Variants in CAMK4 observed in about 807,000 individuals in gnomAD.
CAMK4 encodes calcium/calmodulin-dependent protein kinase type IV.
In CAMK4, 22 loss-of-function variants were observed where a neutral mutation model predicts 44.9. The ratio of observed to expected loss-of-function variants is 0.49; its 90% CI spans 0.35 to 0.70. The LOEUF is 0.70. Ranked by LOEUF, CAMK4 falls within the 30% of genes least tolerant of loss-of-function variation. CAMK4 has a pLI of 0.01. For missense variants in CAMK4, 498 were observed against 586.8 expected, an observed-to-expected ratio of 0.85 and a Z score of 1.56; for synonymous variants, 218 against 215.4, an observed-to-expected ratio of 1.01 and a Z score of -0.11.
chr5:111,357,075 G>C (rs947211170), intron 2 of CAMK4, among the ~76,000 whole-genome samples: 6 of 151,986 alleles, frequency 3.9e-5, no homozygotes, highest in African/African-American at 1.4e-4. Flanking sequence ...TAACCCCTTA[G>C]TACTTTTATA....
At chr5:111,418,948 G>T (rs889288902) in intron 5 of CAMK4, among the ~76,000 whole-genome samples, 51 of 152,154 alleles carry the variant, frequency 3.4e-4, no homozygotes, top group African/African-American at 1.2e-3. Context: ...AGGCCTTTGG[G>T]TATATACCCA....
At chr5:111,393,440 G>A (rs182000021) in intron 4 of CAMK4, among the ~76,000 whole-genome samples, 60 of 152,182 alleles carry the variant, frequency 3.9e-4, no homozygotes, top group African/African-American at 1.1e-3. Context: ...GATGTCTTTG[G>A]AGATATTTCT....
intron 1 of CAMK4, among the ~76,000 whole-genome samples, chr5:111,330,804 C>G (rs997887906): frequency 6.6e-6 from 1 of 151,486 alleles, no homozygotes; most frequent in African/African-American, 2.4e-5. Flanking sequence ...AGAATAGAGT[C>G]CTGGCACAGA....
At chr5:111,348,585 C>T (rs62375651) in intron 2 of CAMK4, among the ~76,000 whole-genome samples, 3 of 151,998 alleles carry the variant, frequency 2.0e-5, no homozygotes, top group Middle Eastern at 3.4e-3. Flanking sequence ...CATTAAATTA[C>T]ATATCAGCCA....
chr5:111,243,439 G>T (rs1272511782), intron 1 of CAMK4, among the ~76,000 whole-genome samples: 2 of 152,198 alleles, frequency 1.3e-5, no homozygotes, highest in Non-Finnish European at 2.9e-5. Context: ...AAACTGTATT[G>T]TACAAGGAAG....
At chr5:111,475,722 C>T (rs1015115945) in intron 8 of CAMK4, among the ~76,000 whole-genome samples, 6 of 152,226 alleles carry the variant, frequency 3.9e-5, no homozygotes, top group Middle Eastern at 3.4e-3. Flanking sequence ...AGCCTGAGGA[C>T]GTTTTATTTA....
chr5:111,433,068 A>T (rs1344857308), intron 5 of CAMK4, among the ~76,000 whole-genome samples: 1 of 152,214 alleles, frequency 6.6e-6, no homozygotes, highest in African/African-American at 2.4e-5. Context: ...CTAGAGGAAG[A>T]TTTCACAGAG....
At chr5:111,271,022 C>A (rs575642025) in intron 1 of CAMK4, among the ~76,000 whole-genome samples, 81 of 152,256 alleles carry the variant, frequency 5.3e-4, no homozygotes, top group African/African-American at 1.7e-3. Context: ...GTCAGACACT[C>A]ATAAAACCAT....
rs189618638 is a variant in CAMK4, at chr5:111,485,446, T to C, written c.*980T>C. 1.3e-5 allele frequency: 2 copies of C among 152,198 alleles called. No homozygotes were observed. The highest frequency in any genetic ancestry group is 2.9e-5 in the Non-Finnish European group (2 of 68,016). The allele number at this position is 152,198 out of a possible 1,614,324, so 9.4% of individuals were successfully genotyped here. A position where few individuals can be genotyped will look rare whatever the true frequency, so the allele number is the denominator to read the frequency against. On this transcript the variant is annotated 3_prime_UTR_variant, in exon 11 of 11. Coordinates refer to ENST00000282356, the MANE Select transcript of CAMK4 (RefSeq NM_001744.6). ...ACAGGTTAGTGCCAAAATGTCTTCATAGAGTAGGAATAATATTCCATTTTA... is the reference window on the plus strand; with the variant it reads ...ACAGGTTAGTGCCAAAATGTCTTCACAGAGTAGGAATAATATTCCATTTTA...
At chr5:111,365,253 G>A (rs1750748953) in intron 2 of CAMK4, 1 of 152,084 alleles carries the variant, frequency 6.6e-6, no homozygotes, top group Admixed American at 6.6e-5. Context: ...AAGCCAAGTA[G>A]GAGCTTTAAA....
At chr5:111,401,225 G>A (rs1473653284) in intron 5 of CAMK4, among the ~76,000 whole-genome samples, 2 of 152,130 alleles carry the variant, frequency 1.3e-5, no homozygotes, top group African/African-American at 4.8e-5. Context: ...TGCAAGCTCT[G>A]CCTCCTGGGT....
intron 5 of CAMK4, among the ~76,000 whole-genome samples, chr5:111,440,389 T>C (rs1263024697): frequency 6.6e-6 from 1 of 152,154 alleles, no homozygotes; most frequent in Non-Finnish European, 1.5e-5. Context: ...AAATTTTTTG[T>C]TACGTAGTTG....
intron 1 of CAMK4, among the ~76,000 whole-genome samples, chr5:111,234,567 C>A (rs1003734371): frequency 6.6e-6 from 1 of 152,196 alleles, no homozygotes; most frequent in African/African-American, 2.4e-5. Flanking sequence ...TTGCCAACTG[C>A]TGGCTTAGGC....
intron 1 of CAMK4, among the ~76,000 whole-genome samples, chr5:111,251,050 T>A (rs1012542552): frequency 3.9e-5 from 6 of 152,262 alleles, no homozygotes; most frequent in Admixed American, 2.0e-4. Context: ...TTCTTTGCTA[T>A]GGCTTGCTAT....
chr5:111,284,231 T>C (rs1470438314), intron 1 of CAMK4, among the ~76,000 whole-genome samples: 1 of 152,220 alleles, frequency 6.6e-6, no homozygotes, highest in Non-Finnish European at 1.5e-5. Context: ...ACAAATACTT[T>C]ATATTTGGCT....
intron 5 of CAMK4, among the ~76,000 whole-genome samples, chr5:111,441,950 G>T (rs2162746): frequency 0.84 from 127,077 of 152,186 alleles, 53,810 homozygotes; most frequent in African/African-American, 0.95. Flanking sequence ...TCTTTTCCTC[G>T]TCTCTATGTA....
intron 5 of CAMK4, among the ~76,000 whole-genome samples, chr5:111,423,649 G>A (rs192507309): frequency 6.6e-6 from 1 of 152,154 alleles, no homozygotes; most frequent in African/African-American, 2.4e-5. Flanking sequence ...ATTTTAAGTT[G>A]AATATCACTG....
At chr5:111,284,642 A>G (rs768431303) in intron 1 of CAMK4, among the ~76,000 whole-genome samples, 3 of 152,200 alleles carry the variant, frequency 2.0e-5, no homozygotes, top group Non-Finnish European at 4.4e-5. Flanking sequence ...AGCACAGCAG[A>G]ACTGTTGAAG....
chr5:111,331,995 C>T (rs1011476039), intron 1 of CAMK4, among the ~76,000 whole-genome samples: 4 of 151,520 alleles, frequency 2.6e-5, no homozygotes, highest in Admixed American at 6.6e-5. Context: ...AATCTAACTC[C>T]GTTTTAAAAA....
Sources: gnomAD v4.1 joint callset for allele counts (sites outside exome capture counted in the v4.1 genomes callset) on GRCh38, gnomAD v4.1.1 for gene constraint, MANE v1.5 for transcripts, NCBI Gene and HGNC (gene_info 2026-07-23, HGNC 2026-07-21) for gene names.